Variants in DPP6 observed in about 807,000 individuals in gnomAD.
DPP6 encodes dipeptidyl peptidase like 6, also known as A-type potassium channel modulatory protein DPP6.
Under a neutral mutation model 122.6 loss-of-function variants are expected in DPP6, and 69 were observed. The observed-to-expected ratio is 0.56, with a 90% confidence interval of 0.46 to 0.69. The LOEUF is 0.69. Ranked by LOEUF, DPP6 falls within the 30% of genes least tolerant of loss-of-function variation. DPP6 has a pLI of 0.00. For missense variants in DPP6, 928 were observed against 1,116.9 expected (o/e 0.83, Z 2.41); for synonymous variants, 418 against 433.1 (o/e 0.97, Z 0.43).
intron 2 of DPP6, among the ~76,000 whole-genome samples, chr7:154,472,847 C>T (rs1334324270): frequency 1.3e-5 from 2 of 151,914 alleles, no homozygotes; most frequent in Non-Finnish European, 2.9e-5. Flanking sequence ...ATAATGCCTC[C>T]ACCACATACT....
At chr7:154,271,959 C>G (rs1246534510) in intron 1 of DPP6, among the ~76,000 whole-genome samples, 1 of 152,186 alleles carries the variant, frequency 6.6e-6, no homozygotes, top group Non-Finnish European at 1.5e-5. Context: ...AAGTCTGTAA[C>G]CAAAACTCTT....
chr7:154,488,960 A>T (rs1170734370), intron 3 of DPP6, among the ~76,000 whole-genome samples: 1 of 152,196 alleles, frequency 6.6e-6, no homozygotes, highest in African/African-American at 2.4e-5. Context: ...ACTAACACAA[A>T]CATGCTTCAT....
intron 1 of DPP6, among the ~76,000 whole-genome samples, chr7:154,163,215 A>G (rs1797067821): frequency 6.6e-6 from 1 of 151,998 alleles, no homozygotes; most frequent in African/African-American, 2.4e-5. Flanking sequence ...GGAACTTGCT[A>G]GTGTTGAATG....
chr7:154,333,836 T>C (rs1287706167), intron 1 of DPP6, among the ~76,000 whole-genome samples: 2 of 152,248 alleles, frequency 1.3e-5, no homozygotes, highest in African/African-American at 4.8e-5. Flanking sequence ...TATTGCATTA[T>C]AATTTGTAAT....
intron 1 of DPP6, among the ~76,000 whole-genome samples, chr7:153,995,312 C>G (rs112279371): frequency 6.6e-6 from 1 of 152,126 alleles, no homozygotes. Context: ...AAGGGCTGGG[C>G]GCGGTGGCTT....
chr7:153,987,411 G>C lies in DPP6; in HGVS notation c.51+99677G>C, dbSNP rs148554617. Among the ~76,000 whole-genome samples, 3 of 152,328 alleles carry C rather than the reference G, an allele frequency of 2.0e-5. No homozygotes were observed. In the East Asian group the frequency reaches 5.8e-4, roughly 29 times the overall value. The stretch of plus-strand genomic sequence containing the variant: ...TTCTAAAGAATGCATGGTTTGTGTA[G>C]TTGTAGAACGAAACTTCTCTTGGAA... On this transcript the variant is annotated intron_variant, in intron 1 of 25. Transcript: ENST00000404039.
chr7:154,313,712 T>TATATATATATATATATTC, intron 1 of DPP6, among the ~76,000 whole-genome samples: 1 of 24,926 alleles, frequency 4.0e-5, no homozygotes, highest in African/African-American at 1.1e-4. Context: ...TATATATATA[T>TATATATATATATATATTC]ATACACACAC....
intron 10 of DPP6, among the ~76,000 whole-genome samples, chr7:154,784,969 T>G (rs1441718967): frequency 6.6e-6 from 1 of 152,212 alleles, no homozygotes; most frequent in African/African-American, 2.4e-5. Flanking sequence ...AAAAATATCT[T>G]ATTCTTATGA....
chr7:153,991,567 C>T (rs1467094529), intron 1 of DPP6, among the ~76,000 whole-genome samples: 1 of 152,186 alleles, frequency 6.6e-6, no homozygotes, highest in African/African-American at 2.4e-5. Flanking sequence ...CCTGGTTACA[C>T]TCATGTGCAT....
In DPP6 at chr7:153,894,647, T is replaced by G. The variant is rs999887858; in HGVS notation, c.51+6913T>G. 2.0e-5 allele frequency among the ~76,000 whole-genome samples: 3 copies of G among 152,098 alleles called. No homozygotes were observed. The East Asian group carries it at 5.8e-4, about 29-fold the overall frequency. Reference sequence around the variant, plus strand: ...GGTTAAGTGTAGAGGTTCTCAACATTGCCTGGAGCCACTGGTTCCTCCTGC... The same window carrying G: ...GGTTAAGTGTAGAGGTTCTCAACATGGCCTGGAGCCACTGGTTCCTCCTGC... On this transcript the variant is annotated intron_variant, in intron 1 of 25. Transcript: ENST00000404039.
chr7:154,012,150 T>G (rs1798182312), intron 1 of DPP6, among the ~76,000 whole-genome samples: 2 of 152,234 alleles, frequency 1.3e-5, no homozygotes, highest in African/African-American at 4.8e-5. Flanking sequence ...GAGCCAGGTT[T>G]AGTCCACATA....
the DPP6 span, among the ~76,000 whole-genome samples, chr7:153,757,892 G>A: frequency 2.0e-5 from 3 of 152,328 alleles, no homozygotes; most frequent in Admixed American, 6.5e-5. Flanking sequence ...CCAGGAGGTA[G>A]AGGTTGCAGT....
intron 1 of DPP6, among the ~76,000 whole-genome samples, chr7:154,351,273 A>G (rs1810831328): frequency 6.6e-6 from 1 of 152,076 alleles, no homozygotes; most frequent in African/African-American, 2.4e-5. Context: ...GGGATCCAAC[A>G]GCTAAGAGTC....
chr7:154,370,298 A>G (rs1812546311), intron 1 of DPP6, among the ~76,000 whole-genome samples: 1 of 150,918 alleles, frequency 6.6e-6, no homozygotes. Flanking sequence ...TATGCATTTA[A>G]TAGGGACTCT....
rs187885979 is a variant in DPP6 at position 154,072,100 on chromosome 7, T to G, written c.243+19037T>G. 7.5e-4 allele frequency among the ~76,000 whole-genome samples: 114 copies of G among 152,296 alleles called. 1 individual carries two copies. Among genetic ancestry groups the G allele is most frequent in the African/African-American group, 2.6e-3 (110 of 41,574 alleles). ...GTTTCCTGGCATTGCAAAAGTGCAG[T>G]GCGGCTTGGGGAGGAAAAGCAGTAG... On this transcript the variant is annotated intron_variant, in intron 1 of 25. Coordinates refer to ENST00000377770, the MANE Select transcript of DPP6 (RefSeq NM_130797.4).
rs773991713 is a variant in DPP6, at chr7:154,868,074, C to T, written c.1794C>T (p.Asp598=). 3.7e-6 allele frequency: 6 copies of T among 1,607,266 alleles called. No homozygotes were observed. Among genetic ancestry groups the T allele is most frequent in the Non-Finnish European group, 5.1e-6 (6 of 1,176,904 alleles). Reference sequence around the variant, plus strand: ...AGATGCCTAAAGTGGAATACAGGGACATTGAGATTGATGATTACAGTAAGT... The same window carrying T: ...AGATGCCTAAAGTGGAATACAGGGATATTGAGATTGATGATTACAGTAAGT... ...DRQMPKVEYR[D]IEIDDYNLPM... Residue 598 remains aspartate, a synonymous_variant, in exon 18 of 26, where the codon GAC becomes GAT. Transcript: ENST00000377770.
At chr7:154,281,638 A>T (rs192309680) in intron 1 of DPP6, among the ~76,000 whole-genome samples, 6 of 152,318 alleles carry the variant, frequency 3.9e-5, no homozygotes, top group Non-Finnish European at 5.9e-5. Flanking sequence ...GCACTAGGAG[A>T]TCTTAGGATA....
chr7:153,776,534 A>G, the DPP6 span, among the ~76,000 whole-genome samples: 1 of 152,168 alleles, frequency 6.6e-6, no homozygotes, highest in African/African-American at 2.4e-5. Flanking sequence ...TATTCTTTAT[A>G]AATTACCCAG....
chr7:153,885,785 T>C (rs1055131074), upstream of DPP6, among the ~76,000 whole-genome samples: 3 of 152,194 alleles, frequency 2.0e-5, no homozygotes, highest in African/African-American at 7.2e-5. Context: ...GGTTTACCTA[T>C]TTCTTCCACT....
Sources: allele counts gnomAD v4.1 joint callset (sites outside exome capture counted in the v4.1 genomes callset), GRCh38; gene constraint gnomAD v4.1.1; transcripts MANE v1.5; gene names NCBI Gene and HGNC (gene_info 2026-07-23, HGNC 2026-07-21).